The following SDHB variants were observed in gnomAD, a reference collection of about 807,000 sequenced individuals.
SDHB encodes the protein succinate dehydrogenase [ubiquinone] iron-sulfur subunit, mitochondrial.
A neutral mutation model predicts 39.7 loss-of-function variants in SDHB; 21 were observed. That is an observed-to-expected ratio of 0.53 (90% CI 0.37 to 0.76). SDHB has a LOEUF of 0.76. Among genes scored for constraint, SDHB ranks in the 30% least tolerant of loss-of-function variants. The pLI is 0.00. For missense variants in SDHB, 343 were observed against 350.9 expected, an observed-to-expected ratio of 0.98 and a Z score of 0.18; for synonymous variants, 118 against 117.0, an observed-to-expected ratio of 1.01 and a Z score of -0.06.
At chr1:17,051,526 G>A (rs951975479) in intron 1 of SDHB, among the ~76,000 whole-genome samples, 2 of 152,168 alleles carry the variant, frequency 1.3e-5, no homozygotes, top group Non-Finnish European at 2.9e-5. Flanking sequence ...ATAAGCCTGA[G>A]TAAAATACAA....
chr1:17,030,492 T>G (rs898219459), intron 3 of SDHB, among the ~76,000 whole-genome samples: 1 of 152,094 alleles, frequency 6.6e-6, no homozygotes, highest in Non-Finnish European at 1.5e-5. Flanking sequence ...ACAAAAAACG[T>G]GCTGACCCAG....
At position 17,022,735 on chromosome 1, in the gene SDHB, A is replaced by T; in HGVS notation, c.643-5T>A. 3 of 1,613,058 alleles carry T rather than the reference A, an allele frequency of 1.9e-6. No individual in the cohort carries two copies. Among genetic ancestry groups the T allele is most frequent in the Non-Finnish European group, 2.5e-6 (3 of 1,179,292 alleles). On this transcript the variant is annotated splice_polypyrimidine_tract_variant and splice_region_variant and intron_variant, in intron 6 of 7. Transcript: ENST00000375499. ...GTCAATCATCCAGCGATAGGCCTGG[A>T]AAACCAGGGATGATTAGCTGAGCTG...
At chr1:17,024,213 G>A in intron 5 of SDHB, 139 bp from the exon 6 acceptor site, 1 of 701,838 alleles carries the variant, frequency 1.4e-6, no homozygotes, top group South Asian at 1.5e-5. Flanking sequence ...CAAAATCCAA[G>A]GGGTGATTTG....
intron 2 of SDHB, among the ~76,000 whole-genome samples, chr1:17,042,174 T>C (rs955295688): frequency 6.6e-6 from 1 of 152,274 alleles, no homozygotes; most frequent in East Asian, 1.9e-4. Context: ...CATGAGCCAA[T>C]GCACCCAGTC....
Position 17,044,789 on chromosome 1 carries a change from T to C in SDHB, c.172A>G (p.Met58Val), listed in dbSNP as rs1201188410. ...TTAAGGTCAACTTCATAAGTCTGCA[T>C]ATGAGGTTTGTCTCCAGCCTTGTCT... ...DPDKAGDKPHMQTYEVDLNKC... is the reference protein window; with the variant it reads ...DPDKAGDKPHVQTYEVDLNKC... Residue 58 changes from methionine (M) to valine (V), a missense_variant, in exon 2 of 8, where the codon ATG becomes GTG. Transcript: ENST00000375499. The C allele has an allele frequency of 3.2e-5, 51 of 1,614,062 alleles. No individual in the cohort carries two copies. Among genetic ancestry groups the C allele is most frequent in the Non-Finnish European group, 4.2e-5 (49 of 1,180,006 alleles).
chr1:17,053,292 T>G (rs888529827), intron 1 of SDHB, among the ~76,000 whole-genome samples: 3 of 152,126 alleles, frequency 2.0e-5, no homozygotes, highest in African/African-American at 4.8e-5. Context: ...AGGTCCGTAT[T>G]ATTATATGAC....
In SDHB at chr1:17,030,138, G is replaced by A. The variant is rs1557742002; in HGVS notation, c.287-1402C>T. Among the ~76,000 whole-genome samples, 3 of 152,278 alleles carry A rather than the reference G, an allele frequency of 2.0e-5. No individual in the cohort carries two copies. In the South Asian group the frequency reaches 6.2e-4, roughly 32 times the overall value. On this transcript the variant is annotated intron_variant, in intron 3 of 7. Coordinates refer to ENST00000375499, the MANE Select transcript of SDHB (RefSeq NM_003000.3). ...GAGGAGGAGAAGGTTGCAGTGAGCA[G>A]AGATCGCGCCACTGCACTCCAGCCT...
chr1:17,046,020 G>A lies in SDHB; in HGVS notation c.73-1132C>T, dbSNP rs763723095. Among the ~76,000 whole-genome samples, 60 of 152,150 alleles carry A rather than the reference G, an allele frequency of 3.9e-4. 1 individual carries two copies. The highest frequency in any genetic ancestry group is 6.3e-4 in the Non-Finnish European group (43 of 68,030). The stretch of plus-strand genomic sequence containing the variant: ...TGTTCAACATGCTAAAAACCTTGAC[G>A]ACTTGTGGTCAAGACCGTCTACCAG... On this transcript the variant is annotated intron_variant, in intron 1 of 7. Coordinates refer to ENST00000375499, the MANE Select transcript of SDHB (RefSeq NM_003000.3).
chr1:17,042,085 C>T (rs1457266262), intron 2 of SDHB, among the ~76,000 whole-genome samples: 1 of 151,964 alleles, frequency 6.6e-6, no homozygotes, highest in African/African-American at 2.4e-5. Flanking sequence ...CCATGCCTGG[C>T]TAATTTTTAT....
chr1:17,042,445 G>C (rs1025722731), intron 2 of SDHB, among the ~76,000 whole-genome samples: 1 of 152,070 alleles, frequency 6.6e-6, no homozygotes, highest in Admixed American at 6.5e-5. Flanking sequence ...GACAAAACTG[G>C]AAGTAAACCC....
At chr1:17,053,196 G>A (rs2078158157) in intron 1 of SDHB, among the ~76,000 whole-genome samples, 1 of 152,154 alleles carries the variant, frequency 6.6e-6, no homozygotes, top group African/African-American at 2.4e-5. Context: ...TACAAGGGGC[G>A]TGGGAAAATC....
intron 2 of SDHB, among the ~76,000 whole-genome samples, chr1:17,042,954 G>GTT (rs143394198): frequency 0.014 from 893 of 62,862 alleles, 134 homozygotes; most frequent in Middle Eastern, 0.043. Context: ...TGTTTTATGA[G>GTT]TTTTTTTTTT....
rs2746462 is a variant in SDHB at position 17,054,002 on chromosome 1, G to T, written c.18C>A (p.Ala6=). ...CCGGCAACCGGCGCCTCAAGGAGAG[G>T]GCGACCACCGCCGCCATCTTGGCTC... MAAVV[A]LSLRRRLPAT... The change falls in exon 1 of 8, where the codon GCC becomes GCA. Residue 6 remains alanine, a synonymous_variant. Coordinates refer to ENST00000375499, the MANE Select transcript of SDHB (RefSeq NM_003000.3). The T allele has an allele frequency of 0.97, 1,566,760 of 1,611,714 alleles. 761,753 individuals carry two copies. Among genetic ancestry groups the T allele is most frequent in the East Asian group, 0.99 (44,284 of 44,798 alleles).
At chr1:17,031,165 AC>A (rs2078021148) in intron 3 of SDHB, among the ~76,000 whole-genome samples, 1 of 151,980 alleles carries the variant, frequency 6.6e-6, no homozygotes, top group African/African-American at 2.4e-5. Flanking sequence ...GTGTAAGGGA[AC>A]CCAAAGATGT....
At chr1:17,024,185 G>C in intron 5 of SDHB, 111 bp from the exon 6 acceptor site, 1 of 748,336 alleles carries the variant, frequency 1.3e-6, no homozygotes, top group Non-Finnish European at 2.3e-6. Flanking sequence ...GTGCCTACTT[G>C]CATGTGAATT....
chr1:17,041,956 C>G (rs2078082416), intron 2 of SDHB, among the ~76,000 whole-genome samples: 2 of 151,752 alleles, frequency 1.3e-5, no homozygotes, highest in Non-Finnish European at 1.5e-5. Context: ...GAGTCTCACT[C>G]TGTTGCCCAG....
At chr1:17,042,837 G>T (rs2078088215) in intron 2 of SDHB, among the ~76,000 whole-genome samples, 1 of 150,514 alleles carries the variant, frequency 6.6e-6, no homozygotes, top group Non-Finnish European at 1.5e-5. Context: ...TCTAAGTTTT[G>T]ATTTGCAACG....
At chr1:17,039,468 T>A (rs566668849) in intron 2 of SDHB, among the ~76,000 whole-genome samples, 6 of 148,590 alleles carry the variant, frequency 4.0e-5, no homozygotes, top group Non-Finnish European at 5.9e-5. Flanking sequence ...ATGCCTGTAG[T>A]CCCAGGGACA....
Position 17,024,029 on chromosome 1 carries a change from A to AGCTGGTGCT in SDHB, c.577_585dup (p.Ser193_Ser195dup). On this transcript the variant is annotated inframe_insertion, in exon 6 of 8. Transcript: ENST00000375499. ...TCTCCGTTCCACCAGTAGCTGGGGCAGCTGGTGCTACAGCAGGCACAGAGA... is the reference window on the plus strand; with the variant it reads ...TCTCCGTTCCACCAGTAGCTGGGGCAGCTGGTGCTGCTGGTGCTACAGCAGGCACAGAGA... 1 of 1,614,052 alleles carries AGCTGGTGCT rather than the reference A, an allele frequency of 6.2e-7. No homozygotes were observed. Among genetic ancestry groups the AGCTGGTGCT allele is most frequent in the Non-Finnish European group, 8.5e-7 (1 of 1,180,026 alleles).
Sources: gnomAD v4.1 joint callset for allele counts (sites outside exome capture counted in the v4.1 genomes callset) on GRCh38, gnomAD v4.1.1 for gene constraint, MANE v1.5 for transcripts, NCBI Gene and HGNC (gene_info 2026-07-23, HGNC 2026-07-21) for gene names.